Variants in FAM107B observed in about 807,000 individuals in gnomAD.
The protein encoded by FAM107B is family with sequence similarity 107 member B.
FAM107B carries 21 observed loss-of-function variants against 31.5 expected under a neutral mutation model. That is an observed-to-expected ratio of 0.67 (90% CI 0.47 to 0.96). FAM107B has a LOEUF of 0.96. FAM107B is among the 40% of genes least tolerant of loss of function. The pLI is 0.00. For synonymous variants in FAM107B, 157 were observed against 141.5 expected (o/e 1.11, Z -0.78); for missense variants, 452 against 377.1 (o/e 1.20, Z -1.64).
At chr10:14,629,131 T>C (rs1308309116) in intron 2 of FAM107B, among the ~76,000 whole-genome samples, 1 of 146,638 alleles carries the variant, frequency 6.8e-6, no homozygotes, top group East Asian at 1.9e-4. Context: ...TTAAGATGTT[T>C]AAAGGAGTTT....
chr10:14,761,816 C>T (rs920132103), intron 1 of FAM107B, among the ~76,000 whole-genome samples: 1 of 152,014 alleles, frequency 6.6e-6, no homozygotes, highest in Non-Finnish European at 1.5e-5. Flanking sequence ...CCAGGCTGGT[C>T]TTGAACTCCT....
At chr10:14,644,582 G>C (rs1334708603) in intron 2 of FAM107B, among the ~76,000 whole-genome samples, 1 of 152,196 alleles carries the variant, frequency 6.6e-6, no homozygotes, top group African/African-American at 2.4e-5. Flanking sequence ...TCTTGGTTTT[G>C]CTTCTCATTT....
At chr10:14,742,283 ATT>A (rs113119651) in intron 1 of FAM107B, among the ~76,000 whole-genome samples, 14 of 139,848 alleles carry the variant, frequency 1.0e-4, no homozygotes, top group East Asian at 2.1e-4. Context: ...CACCCAGCTC[ATT>A]TTTTTTTTTT....
At chr10:14,715,064 C>T (rs1855751056) in intron 1 of FAM107B, among the ~76,000 whole-genome samples, 1 of 152,120 alleles carries the variant, frequency 6.6e-6, no homozygotes, top group Admixed American at 6.6e-5. Context: ...GTCTCCAACC[C>T]CCTTTCTTCC....
At chr10:14,572,736 A>ATATATATATATATATATATAT (rs1455058375) in intron 2 of FAM107B, among the ~76,000 whole-genome samples, 26 of 86,454 alleles carry the variant, frequency 3.0e-4, no homozygotes, top group African/African-American at 6.4e-4. Context: ...AAAAAAAAAA[A>ATATATATATATATATATATAT]ATTTATATAT....
rs553758809 is a variant in FAM107B, at chr10:14,567,602, C to G, written c.470-37087G>C. Reference sequence around the variant, plus strand: ...AGTCCAGGGACAGGCATGGGTGGGCCGCCCAATCCCCCAGGAGAGTGAAGT... The same window carrying G: ...AGTCCAGGGACAGGCATGGGTGGGCGGCCCAATCCCCCAGGAGAGTGAAGT... On this transcript the variant is annotated intron_variant, in intron 2 of 4. Coordinates refer to ENST00000181796, the MANE Select transcript of FAM107B (RefSeq NM_031453.4). Among the ~76,000 whole-genome samples, 21 of 152,220 alleles carry G rather than the reference C, an allele frequency of 1.4e-4. No homozygotes were observed. The South Asian group carries it at 4.4e-3, about 32-fold the overall frequency.
intron 1 of FAM107B, among the ~76,000 whole-genome samples, chr10:14,687,661 C>T (rs1271637109): frequency 2.0e-5 from 3 of 151,992 alleles, no homozygotes; most frequent in African/African-American, 7.3e-5. Flanking sequence ...TGGGGAGGGG[C>T]AGATTATAAT....
intron 1 of FAM107B, among the ~76,000 whole-genome samples, chr10:14,710,250 T>C (rs1277968691): frequency 6.6e-6 from 1 of 151,980 alleles, no homozygotes; most frequent in Non-Finnish European, 1.5e-5. Context: ...GTCTATTCAT[T>C]AAAAAATGTA....
chr10:14,678,734 A>G (rs6602750), intron 1 of FAM107B, among the ~76,000 whole-genome samples: 80,532 of 151,870 alleles, frequency 0.53, 22,792 homozygotes, highest in South Asian at 0.68. Flanking sequence ...GAGAAAGAGA[A>G]TTTGACTAGC....
At chr10:14,604,859 C>G (rs1056994239) in intron 2 of FAM107B, among the ~76,000 whole-genome samples, 1 of 152,114 alleles carries the variant, frequency 6.6e-6, no homozygotes, top group Non-Finnish European at 1.5e-5. Flanking sequence ...TTCTCTCCCT[C>G]ATTCTCATTC....
intron 1 of FAM107B, among the ~76,000 whole-genome samples, chr10:14,670,902 T>C (rs1854523979): frequency 6.6e-6 from 1 of 152,264 alleles, no homozygotes; most frequent in Admixed American, 6.5e-5. Context: ...GTCTCTTCTC[T>C]TCAGCGCAAG....
intron 1 of FAM107B, among the ~76,000 whole-genome samples, chr10:14,737,756 C>A (rs1426716493): frequency 6.8e-6 from 1 of 146,440 alleles, no homozygotes; most frequent in Non-Finnish European, 1.5e-5. Context: ...CAGTGCTGTG[C>A]GTGCACGCTT....
At chr10:14,768,154 A>G (rs1011847936) in intron 1 of FAM107B, among the ~76,000 whole-genome samples, 3 of 152,218 alleles carry the variant, frequency 2.0e-5, no homozygotes, top group African/African-American at 7.2e-5. Context: ...ATTAAAGAAG[A>G]CATAAATATA....
chr10:14,730,340 C>T (rs1413826357), intron 1 of FAM107B, among the ~76,000 whole-genome samples: 1 of 152,198 alleles, frequency 6.6e-6, no homozygotes, highest in African/African-American at 2.4e-5. Flanking sequence ...AACCACTGAA[C>T]TATGGTGAGG....
chr10:14,578,485 T>C (rs923172812), intron 2 of FAM107B, among the ~76,000 whole-genome samples: 2 of 152,182 alleles, frequency 1.3e-5, no homozygotes, highest in African/African-American at 4.8e-5. Flanking sequence ...CTTATAAATA[T>C]GACAAGCCTT....
At chr10:14,724,982 A>G (rs148747764) in intron 1 of FAM107B, among the ~76,000 whole-genome samples, 12 of 152,380 alleles carry the variant, frequency 7.9e-5, no homozygotes, top group African/African-American at 2.9e-4. Flanking sequence ...AAAGGCTGCA[A>G]GGAAACAACA....
At chr10:14,533,078 G>A (rs1046269298) in intron 2 of FAM107B, among the ~76,000 whole-genome samples, 9 of 152,156 alleles carry the variant, frequency 5.9e-5, no homozygotes, top group African/African-American at 2.2e-4. Flanking sequence ...TTCACCCTGA[G>A]GGCCATGGGG....
At chr10:14,632,058 G>A (rs1167154230) in intron 2 of FAM107B, among the ~76,000 whole-genome samples, 1 of 152,072 alleles carries the variant, frequency 6.6e-6, no homozygotes, top group Non-Finnish European at 1.5e-5. Context: ...AGCACTTTGG[G>A]AGGCCAGGCA....
chr10:14,562,963 T>C (rs1481561251), intron 2 of FAM107B, among the ~76,000 whole-genome samples: 3 of 152,258 alleles, frequency 2.0e-5, no homozygotes, highest in Admixed American at 2.0e-4. Flanking sequence ...AAGCAAATTA[T>C]GTCTCTGCTA....
Sources: gnomAD v4.1 joint callset for allele counts (sites outside exome capture counted in the v4.1 genomes callset) on GRCh38, gnomAD v4.1.1 for gene constraint, MANE v1.5 for transcripts, NCBI Gene and HGNC (gene_info 2026-07-23, HGNC 2026-07-21) for gene names.